The following LAMA3 variants were observed in gnomAD, a reference collection of about 807,000 sequenced individuals.
The protein encoded by LAMA3 is laminin subunit alpha 3.
In LAMA3, 281 loss-of-function variants were observed where a neutral mutation model predicts 402.0. The observed-to-expected ratio is 0.70, with a 90% CI of 0.63 to 0.77. The LOEUF (loss-of-function observed/expected upper bound fraction) is 0.77, where lower values mean the gene tolerates loss of function less well. LAMA3 is among the 30% of genes least tolerant of loss of function. The pLI is 0.00. For missense variants in LAMA3, 3,840 were observed against 4,215.5 expected, an observed-to-expected ratio of 0.91 and a Z score of 2.47; for synonymous variants, 1,431 against 1,558.4, an observed-to-expected ratio of 0.92 and a Z score of 1.93.
chr18:23,775,754 T>C (rs763584280), intron 9 of LAMA3, 38 bp from the exon 10 acceptor site: 2 of 1,613,338 alleles, frequency 1.2e-6, no homozygotes, highest in Non-Finnish European at 1.7e-6. Flanking sequence ...TTAAGTGCAG[T>C]GAAGGACGGA....
chr18:23,736,635 A>G (rs1000658701), intron 2 of LAMA3, among the ~76,000 whole-genome samples: 2 of 152,158 alleles, frequency 1.3e-5, no homozygotes, highest in African/African-American at 4.8e-5. Context: ...AAAAGCTTTA[A>G]TATTTCACAT....
intron 59 of LAMA3, among the ~76,000 whole-genome samples, chr18:23,916,005 CCAAAAAAAAAAAA>C (rs1251779991): frequency 2.4e-5 from 1 of 41,946 alleles, no homozygotes; most frequent in African/African-American, 1.4e-4. Context: ...GACTCCATCT[CCAAAAAAAAAAAA>C]AAAAAAAAAA....
Position 23,954,507 on chromosome 18 carries a change from T to C in LAMA3, c.9861T>C (p.Asn3287=). The change falls in exon 75 of 75, where the codon AAT becomes AAC. Residue 3287 remains asparagine (N), a synonymous_variant. Transcript: ENST00000313654. ...CCTCTCCACTTTCTCTTTCAGCCAATTTGACGACACTGAGGATCCCTGTGT... is the reference window on the plus strand; with the variant it reads ...CCTCTCCACTTTCTCTTTCAGCCAACTTGACGACACTGAGGATCCCTGTGT... ...EPLHLGGAPA[N]LTTLRIPVWK... is the part of the protein sequence containing the mutation. 6.2e-7 allele frequency: 1 copy of C among 1,613,878 alleles called. No individual in the cohort carries two copies. The highest frequency in any genetic ancestry group is 8.5e-7 in the Non-Finnish European group (1 of 1,179,852).
At chr18:23,932,551 A>G (rs2082193919) in intron 66 of LAMA3, 3 of 405,222 alleles carry the variant, frequency 7.4e-6, no homozygotes, top group Middle Eastern at 7.4e-4. Flanking sequence ...ACTTCAGATT[A>G]TGGCCCGGAA....
At chr18:23,743,708 ACTACT>A (rs1053568986) in intron 2 of LAMA3, among the ~76,000 whole-genome samples, 3 of 152,222 alleles carry the variant, frequency 2.0e-5, no homozygotes, top group Admixed American at 2.0e-4. Flanking sequence ...TATTTAAAAG[ACTACT>A]TTGTTTCTCT....
intron 8 of LAMA3, 136 bp downstream of exon 8, chr18:23,763,659 CA>C: frequency 1.3e-6 from 1 of 743,870 alleles, no homozygotes; most frequent in Admixed American, 1.8e-5. Flanking sequence ...CACTGTTGCT[CA>C]CACAAGGCCT....
chr18:23,945,300 A>G (rs1425522774), intron 69 of LAMA3, among the ~76,000 whole-genome samples: 1 of 152,230 alleles, frequency 6.6e-6, no homozygotes, highest in African/African-American at 2.4e-5. Context: ...AGTGACCGCC[A>G]GGACGCATGC....
chr18:23,854,046 C>T lies in LAMA3; in HGVS notation c.4137-3798C>T, dbSNP rs149436832. ...TGGCCTAGCAGGCCCAGCGGGGCCA[C>T]TCAGGGTCCCATTTGCAGGCCGCTG... On this transcript the variant is annotated intron_variant, in intron 32 of 74. Transcript: ENST00000313654. Among the ~76,000 whole-genome samples the T allele has an allele frequency of 5.5e-3, 842 of 152,350 alleles. 6 individuals are homozygous for T. Among genetic ancestry groups the T allele is most frequent in the African/African-American group, 0.019 (801 of 41,572 alleles).
At chr18:23,714,296 G>A in intron 2 of LAMA3, among the ~76,000 whole-genome samples, 1 of 152,152 alleles carries the variant, frequency 6.6e-6, no homozygotes, top group East Asian at 1.9e-4. Flanking sequence ...GAGGTGGGTG[G>A]ATCACTTGAA....
intron 14 of LAMA3, among the ~76,000 whole-genome samples, chr18:23,813,607 G>C (rs1291454257): frequency 7.4e-6 from 1 of 135,562 alleles, no homozygotes. Context: ...GCAGTGCCGC[G>C]ATCTCAGCTC....
In LAMA3 at chr18:23,842,751, G is replaced by T; in HGVS notation, c.3603+1G>T. The T allele has an allele frequency of 6.2e-7, 1 of 1,614,148 alleles. No individual in the cohort carries two copies. Among genetic ancestry groups the T allele is most frequent in the Non-Finnish European group, 8.5e-7 (1 of 1,180,024 alleles). ...TCCAGAAGGAAAGTCCTTGGTTTTG[G>T]TGCGTTCCACTCGTTCCTCAACTTG... On this transcript the variant is annotated splice_donor_variant, in intron 29 of 74. Coordinates refer to ENST00000313654, the MANE Select transcript of LAMA3 (RefSeq NM_198129.4). LOFTEE classifies it high-confidence loss of function.
rs1433778278 is a variant in LAMA3 at position 23,894,426 on chromosome 18, A to G, written c.5461+78A>G. 10 of 1,272,298 alleles carry G rather than the reference A, an allele frequency of 7.9e-6. No individual in the cohort carries two copies. In the South Asian group the frequency reaches 1.2e-4, roughly 15 times the overall value. The allele number at this position is 1,272,298 out of a possible 1,614,324, so 78.8% of individuals were successfully genotyped here. On this transcript the variant is annotated intron_variant, in intron 43 of 74. Coordinates refer to ENST00000313654, the MANE Select transcript of LAMA3 (RefSeq NM_198129.4). Reference sequence around the variant, plus strand: ...AGATATGTGAGCACCATGCTGGGTCATGCAGTTTCCAGTCTGGGAAAGTAA... The same window carrying G: ...AGATATGTGAGCACCATGCTGGGTCGTGCAGTTTCCAGTCTGGGAAAGTAA...
chr18:23,863,610 T>G (rs1194912684), intron 35 of LAMA3, among the ~76,000 whole-genome samples: 1 of 152,214 alleles, frequency 6.6e-6, no homozygotes, highest in East Asian at 1.9e-4. Context: ...ACTTCCAGGC[T>G]TGAAGATCAA....
rs2060537295 is a variant in LAMA3 at position 23,689,537 on chromosome 18, G to A, written c.-147G>A. The A allele has an allele frequency of 4.0e-6, 3 of 754,944 alleles. No homozygotes were observed. The highest frequency in any genetic ancestry group is 3.7e-5 in the African/African-American group (2 of 54,694). The allele number at this position is 754,944 out of a possible 1,614,324, so 46.8% of individuals were successfully genotyped here. ...CCCCCACGCCGCGGGCTTCCAGCGC[G>A]TGGAGCAAGGGGAGCGGCCCCGGCG... is the stretch of plus-strand genomic sequence containing the variant. On this transcript the variant is annotated 5_prime_UTR_variant, in exon 1 of 75. In the 5' UTR this introduces an upstream ATG that the reference lacks. Transcript: ENST00000313654.
chr18:23,945,506 C>T (rs545910084), intron 69 of LAMA3, among the ~76,000 whole-genome samples: 21 of 152,158 alleles, frequency 1.4e-4, no homozygotes, highest in Non-Finnish European at 2.4e-4. Flanking sequence ...GGATTTCTGT[C>T]GTGAACATCT....
At chr18:23,731,052 AT>A (rs1568122677) in intron 2 of LAMA3, among the ~76,000 whole-genome samples, 1 of 152,046 alleles carries the variant, frequency 6.6e-6, no homozygotes, top group Non-Finnish European at 1.5e-5. Flanking sequence ...CCAGGTTATA[AT>A]TTTCCTTTTA....
At chr18:23,690,117 C>A in intron 1 of LAMA3, 140 bp downstream of exon 1, 1 of 673,554 alleles carries the variant, frequency 1.5e-6, no homozygotes, top group Non-Finnish European at 2.3e-6. Context: ...CATCCCCGCG[C>A]GCGAGGGCCC....
chr18:23,720,479 C>T (rs757399217), intron 2 of LAMA3, among the ~76,000 whole-genome samples: 6 of 152,004 alleles, frequency 3.9e-5, no homozygotes, highest in Non-Finnish European at 2.9e-5. Flanking sequence ...CTCAGCCTCC[C>T]GAGTAGCTGG....
chr18:23,815,507 G>T lies in LAMA3; in HGVS notation c.1981G>T (p.Asp661Tyr). 2 of 1,614,162 alleles carry T rather than the reference G, an allele frequency of 1.2e-6. No homozygotes were observed. Among genetic ancestry groups the T allele is most frequent in the Non-Finnish European group, 1.7e-6 (2 of 1,180,008 alleles). Residue 661 changes from aspartate (D) to tyrosine (Y), a missense_variant, in exon 17 of 75, where the codon GAT becomes TAT. By Grantham distance (160) the Asp-to-Tyr change is radical. This residue lies in a region of LAMA3 where 2,109 missense variants were observed against 2,376.0 expected (regional missense o/e 0.89). Coordinates refer to ENST00000313654, the MANE Select transcript of LAMA3 (RefSeq NM_198129.4). ...TCACTGCAAGTCCCATGTGGGTGGC[G>T]ATTCCTGCGACACCTGTGAAGATGG... Reference protein sequence around the residue: ...DCHCKSHVGGDSCDTCEDGYF... With the variant: ...DCHCKSHVGGYSCDTCEDGYF...
Sources: gnomAD v4.1 joint callset for allele counts (sites outside exome capture counted in the v4.1 genomes callset) on GRCh38, gnomAD v4.1.1 for gene constraint, gnomAD v4.1.1 regional missense constraint, MANE v1.5 for transcripts, NCBI Gene and HGNC (gene_info 2026-07-23, HGNC 2026-07-21) for gene names.